NUDT7: variants seen among roughly 807,000 people sequenced by gnomAD.
NUDT7 encodes nudix hydrolase 7, also known as peroxisomal coenzyme A diphosphatase NUDT7.
NUDT7 carries 19 observed loss-of-function variants against 13.1 expected under a neutral mutation model. The ratio of observed to expected loss-of-function variants is 1.45; its 90% CI spans 1.01 to 2.13. The LOEUF (loss-of-function observed/expected upper bound fraction) is 2.13, where lower values mean the gene tolerates loss of function less well. NUDT7 is among the 30% of genes most tolerant of loss of function. The probability of loss-of-function intolerance (pLI) is 0.00; values close to 1 mark genes in which losing one functional copy is unlikely to be tolerated. For missense variants in NUDT7, 360 were observed against 291.7 expected (o/e 1.23, Z -1.71); for synonymous variants, 132 against 109.7 (o/e 1.20, Z -1.27).
chr16:77,723,516 G>A (rs370327211), intron 1 of NUDT7, among the ~76,000 whole-genome samples: 1 of 151,660 alleles, frequency 6.6e-6, no homozygotes, highest in Admixed American at 6.6e-5. Context: ...TATATGAACT[G>A]CATCATTTAA....
In NUDT7 at chr16:77,732,753, G is replaced by A. The variant is rs188193370; in HGVS notation, c.190-3075G>A. Reference sequence around the variant, plus strand: ...TTACACGATGATGAAATCGCCTAATGCATTTTTCAGAACGTGTCCCTGTTG... The same window carrying A: ...TTACACGATGATGAAATCGCCTAATACATTTTTCAGAACGTGTCCCTGTTG... On this transcript the variant is annotated intron_variant, in intron 2 of 3. Transcript: ENST00000268533. Among the ~76,000 whole-genome samples, 4 of 152,272 alleles carry A rather than the reference G, an allele frequency of 2.6e-5. No individual in the cohort carries two copies. The East Asian group carries it at 5.8e-4, about 22-fold the overall frequency.
intron 2 of NUDT7, among the ~76,000 whole-genome samples, chr16:77,726,483 C>A (rs2014139505): frequency 6.6e-6 from 1 of 152,100 alleles, no homozygotes; most frequent in Non-Finnish European, 1.5e-5. Context: ...TTGTATTGGT[C>A]CATTCTTGCA....
intron 2 of NUDT7, among the ~76,000 whole-genome samples, chr16:77,732,423 C>A (rs527936340): frequency 6.6e-5 from 10 of 152,128 alleles, no homozygotes; most frequent in Non-Finnish European, 1.3e-4. Context: ...ATGTCCTAAG[C>A]CTTCACATCC....
At chr16:77,725,673 A>G (rs2014113633) in intron 2 of NUDT7, 89 bp downstream of exon 2, 8 of 1,237,032 alleles carry the variant, frequency 6.5e-6, no homozygotes, top group South Asian at 3.0e-5. Context: ...TTTGATGCCA[A>G]AATTCTCAAA....
At chr16:77,740,607 G>A (rs2014628144) in intron 3 of NUDT7, among the ~76,000 whole-genome samples, 1 of 152,126 alleles carries the variant, frequency 6.6e-6, no homozygotes, top group Non-Finnish European at 1.5e-5. Context: ...GCAGTGGCAT[G>A]ATCTCGGCTC....
rs1224806174 is a variant in NUDT7 at position 77,723,319 on chromosome 16, AT to A, written c.35+709del. Among the ~76,000 whole-genome samples the A allele has an allele frequency of 7.9e-5, 12 of 152,072 alleles. No homozygotes were observed. The East Asian group carries it at 2.1e-3, about 27-fold the overall frequency. ...GCAATCCCTGTGCCAGCATTCACTG[AT>A]TTTTTTCAGGCCATTTGGTCTTTGA... is the stretch of plus-strand genomic sequence containing the variant. On this transcript the variant is annotated intron_variant, in intron 1 of 3. Transcript: ENST00000268533.
At chr16:77,728,904 AC>A (rs2014227032) in intron 2 of NUDT7, among the ~76,000 whole-genome samples, 1 of 115,702 alleles carries the variant, frequency 8.6e-6, no homozygotes, top group African/African-American at 3.2e-5. Flanking sequence ...CTTCTCCCCC[AC>A]ACCCTTGACC....
Position 77,722,616 on chromosome 16 carries a change from A to T in NUDT7, c.34A>T (p.Arg12Ter), listed in dbSNP as rs372969143. The T allele has an allele frequency of 2.5e-6, 4 of 1,593,724 alleles. No individual in the cohort carries two copies. Among genetic ancestry groups the T allele is most frequent in the Non-Finnish European group, 2.6e-6 (3 of 1,169,588 alleles). ...ACTTGGTCTTCCCGAGGAGCCAGTC[A>T]GGTAAAGGCTTTCCGGGCCCTGGCA... ...SRLGLPEEPVRNSLLDDAKAR... is the reference protein window; with the variant it reads ...SRLGLPEEPV The change falls in exon 1 of 4, where the codon AGA becomes TGA. Residue 12 changes from arginine (R) to a stop codon, truncating the protein, a stop_gained and splice_region_variant. Coordinates refer to ENST00000268533, the MANE Select transcript of NUDT7 (RefSeq NM_001105663.3). LOFTEE classifies it high-confidence loss of function.
chr16:77,727,392 G>T (rs1207383727), intron 2 of NUDT7, among the ~76,000 whole-genome samples: 1 of 142,986 alleles, frequency 7.0e-6, no homozygotes, highest in Non-Finnish European at 1.5e-5. Flanking sequence ...CGTGGAAGTA[G>T]ACTTGTGTGG....
intron 2 of NUDT7, among the ~76,000 whole-genome samples, chr16:77,735,241 A>G (rs1204210055): frequency 1.3e-5 from 2 of 152,020 alleles, no homozygotes; most frequent in African/African-American, 2.4e-5. Context: ...GTAAACCCCA[A>G]TATTGGACCT....
intron 2 of NUDT7, 34 bp from the exon 3 acceptor site, chr16:77,735,794 T>A: frequency 1.3e-6 from 2 of 1,581,790 alleles, no homozygotes. Flanking sequence ...AAAATTAGAA[T>A]CCCACATTGT....
chr16:77,727,133 T>A (rs2145105800), intron 2 of NUDT7, among the ~76,000 whole-genome samples: 1 of 152,144 alleles, frequency 6.6e-6, no homozygotes, highest in African/African-American at 2.4e-5. Context: ...CCTCCAACAC[T>A]GGGGACTCCA....
chr16:77,731,765 G>A (rs973616663), intron 2 of NUDT7, among the ~76,000 whole-genome samples: 5 of 152,102 alleles, frequency 3.3e-5, no homozygotes, highest in African/African-American at 1.2e-4. Flanking sequence ...AGACCTTCCA[G>A]TGGGACAAGA....
intron 2 of NUDT7, among the ~76,000 whole-genome samples, chr16:77,727,122 A>G (rs981824018): frequency 2.6e-5 from 4 of 151,928 alleles, no homozygotes; most frequent in Non-Finnish European, 5.9e-5. Flanking sequence ...ACCAGACCCC[A>G]CCTCCAACAC....
At chr16:77,733,521 A>C (rs79405379) in intron 2 of NUDT7, among the ~76,000 whole-genome samples, 6 of 152,182 alleles carry the variant, frequency 3.9e-5, no homozygotes, top group African/African-American at 1.4e-4. Flanking sequence ...ATATGGATTC[A>C]TGGGAGAATA....
intron 1 of NUDT7, among the ~76,000 whole-genome samples, chr16:77,724,474 T>C (rs1013777502): frequency 6.6e-6 from 1 of 151,652 alleles, no homozygotes; most frequent in Non-Finnish European, 1.5e-5. Context: ...GGTCTTACCA[T>C]GTTGACCAGG....
intron 2 of NUDT7, among the ~76,000 whole-genome samples, chr16:77,730,197 C>T (rs62041742): frequency 0.079 from 11,973 of 152,090 alleles, 562 homozygotes; most frequent in Middle Eastern, 0.13. Flanking sequence ...ACTATAGTTA[C>T]CATAGTATAC....
chr16:77,737,201 G>T (rs1053015960), intron 3 of NUDT7, among the ~76,000 whole-genome samples: 19 of 152,142 alleles, frequency 1.2e-4, no homozygotes, highest in African/African-American at 3.6e-4. Context: ...TTCTACTAAT[G>T]TCCTTTCTGT....
rs555424441 is a variant in NUDT7 at position 77,727,944 on chromosome 16, A to G, written c.189+2360A>G. ...ATATAGGAAATCTAGACAATACTACAAACTCAACCAACGGGGTCTCTAGTT... is the reference window on the plus strand; with the variant it reads ...ATATAGGAAATCTAGACAATACTACGAACTCAACCAACGGGGTCTCTAGTT... On this transcript the variant is annotated intron_variant, in intron 2 of 3. Transcript: ENST00000268533. 2.0e-5 allele frequency among the ~76,000 whole-genome samples: 3 copies of G among 152,350 alleles called. No individual in the cohort carries two copies. The South Asian group carries it at 6.2e-4, about 32-fold the overall frequency.
Sources: gnomAD v4.1 joint callset for allele counts (sites outside exome capture counted in the v4.1 genomes callset) on GRCh38, gnomAD v4.1.1 for gene constraint, MANE v1.5 for transcripts, NCBI Gene and HGNC (gene_info 2026-07-23, HGNC 2026-07-21) for gene names.